The following RAPGEF2 variants were observed in gnomAD, a reference collection of about 807,000 sequenced individuals.
The protein encoded by RAPGEF2 is Rap guanine nucleotide exchange factor 2.
RAPGEF2 carries 54 observed loss-of-function variants against 186.7 expected under a neutral mutation model. That is an observed-to-expected ratio of 0.29 (90% CI 0.23 to 0.36). The LOEUF is 0.36. Among genes scored for constraint, RAPGEF2 ranks in the 10% least tolerant of loss-of-function variants. RAPGEF2 has a pLI of 1.00. For synonymous variants in RAPGEF2, 712 were observed against 705.9 expected, an observed-to-expected ratio of 1.01 and a Z score of -0.14; for missense variants, 1,532 against 2,045.0, an observed-to-expected ratio of 0.75 and a Z score of 4.84.
rs144422870 is a variant in RAPGEF2, at chr4:159,115,135, C to T, written c.69+10904C>T. Among the ~76,000 whole-genome samples the T allele has an allele frequency of 3.3e-5, 5 of 152,106 alleles. No individual in the cohort carries two copies. The East Asian group carries it at 7.7e-4, about 23-fold the overall frequency. ...CCCACGGATTAGCCAACTATCTTTC[C>T]GTTTTTGATTTTTTGGTAGTGAGTA... On this transcript the variant is annotated intron_variant, in intron 1 of 29. Transcript: ENST00000691494.
intron 7 of RAPGEF2, among the ~76,000 whole-genome samples, chr4:159,251,265 C>G (rs1007737286): frequency 1.3e-5 from 2 of 152,242 alleles, no homozygotes; most frequent in African/African-American, 4.8e-5. Context: ...GGGCGCCGTC[C>G]CTTGCTCTGC....
At chr4:159,309,711 G>A (rs1272242414) in intron 8 of RAPGEF2, among the ~76,000 whole-genome samples, 1 of 152,196 alleles carries the variant, frequency 6.6e-6, no homozygotes, top group Non-Finnish European at 1.5e-5. Flanking sequence ...ATAAGGTCCT[G>A]GTTAAATGGT....
At chr4:159,131,519 A>ATTTTT (rs35670450) in intron 1 of RAPGEF2, among the ~76,000 whole-genome samples, 1 of 37,184 alleles carries the variant, frequency 2.7e-5, no homozygotes, top group Non-Finnish European at 5.0e-5. Context: ...ATTAATTGCT[A>ATTTTT]TTTTTTTTTT....
chr4:159,230,268 A>C (rs1316208978), intron 4 of RAPGEF2, among the ~76,000 whole-genome samples: 3 of 152,194 alleles, frequency 2.0e-5, no homozygotes, highest in Admixed American at 2.0e-4. Context: ...ACAGGTTTTT[A>C]AAATATTCAG....
intron 7 of RAPGEF2, among the ~76,000 whole-genome samples, chr4:159,272,310 G>A (rs2110823410): frequency 6.6e-6 from 1 of 152,184 alleles, no homozygotes; most frequent in South Asian, 2.1e-4. Context: ...GGTCACTTAA[G>A]GCCCTCTATA....
intron 1 of RAPGEF2, among the ~76,000 whole-genome samples, chr4:159,104,536 G>GAGAGAGAC (rs1560964942): frequency 2.1e-4 from 22 of 102,870 alleles, no homozygotes; most frequent in African/African-American, 5.0e-5. Context: ...GGGAGAGACA[G>GAGAGAGAC]AGAGAGAGAG....
chr4:159,293,714 T>C (rs951556184), intron 7 of RAPGEF2, among the ~76,000 whole-genome samples: 3 of 152,248 alleles, frequency 2.0e-5, no homozygotes, highest in Admixed American at 2.0e-4. Context: ...AGTCTCCTTT[T>C]CATAAATCTG....
intron 7 of RAPGEF2, among the ~76,000 whole-genome samples, chr4:159,282,144 T>C (rs1759802162): frequency 6.6e-6 from 1 of 152,226 alleles, no homozygotes; most frequent in African/African-American, 2.4e-5. Context: ...CTCCTGCTTT[T>C]TCAGCTAGGA....
At chr4:159,181,726 G>A (rs1284574452) in intron 1 of RAPGEF2, among the ~76,000 whole-genome samples, 3 of 151,910 alleles carry the variant, frequency 2.0e-5, no homozygotes, top group East Asian at 3.9e-4. Flanking sequence ...TAGTAGAGAC[G>A]GGGTTTCACC....
intron 9 of RAPGEF2, among the ~76,000 whole-genome samples, chr4:159,316,266 GA>G (rs1764592756): frequency 6.6e-6 from 1 of 151,950 alleles, no homozygotes; most frequent in Admixed American, 6.6e-5. Context: ...TATAATATTG[GA>G]ATAAAGAGTA....
intron 1 of RAPGEF2, among the ~76,000 whole-genome samples, chr4:159,175,525 T>C (rs1343062037): frequency 1.3e-5 from 2 of 152,198 alleles, no homozygotes; most frequent in African/African-American, 2.4e-5. Flanking sequence ...TAAACAGTTT[T>C]AATAGGAGTG....
intron 7 of RAPGEF2, among the ~76,000 whole-genome samples, chr4:159,283,461 T>C (rs1228663989): frequency 2.6e-5 from 4 of 152,224 alleles, no homozygotes; most frequent in East Asian, 1.9e-4. Context: ...GTTTTCAGTT[T>C]AGTTATTTGA....
intron 3 of RAPGEF2, among the ~76,000 whole-genome samples, chr4:159,207,751 A>G (rs1404802553): frequency 6.6e-6 from 1 of 152,196 alleles, no homozygotes; most frequent in Non-Finnish European, 1.5e-5. Context: ...AGATTTTAAA[A>G]AGTTTACAGA....
At chr4:159,252,470 A>G (rs1755577024) in intron 7 of RAPGEF2, among the ~76,000 whole-genome samples, 1 of 152,250 alleles carries the variant, frequency 6.6e-6, no homozygotes, top group Admixed American at 6.5e-5. Context: ...AAATAAGCAT[A>G]TCCCTAACCA....
At chr4:159,317,483 A>T (rs1373246649) in intron 9 of RAPGEF2, among the ~76,000 whole-genome samples, 1 of 152,180 alleles carries the variant, frequency 6.6e-6, no homozygotes, top group Non-Finnish European at 1.5e-5. Context: ...GGCTGGGCTG[A>T]TGGAAGCAGG....
intron 7 of RAPGEF2, among the ~76,000 whole-genome samples, chr4:159,250,207 T>C (rs1755142274): frequency 6.6e-6 from 1 of 152,040 alleles, no homozygotes; most frequent in South Asian, 2.1e-4. Flanking sequence ...AGACAACATA[T>C]ATGGTGCAGT....
intron 7 of RAPGEF2, among the ~76,000 whole-genome samples, chr4:159,244,687 C>T (rs1441445066): frequency 1.3e-5 from 2 of 151,876 alleles, no homozygotes; most frequent in South Asian, 2.1e-4. Context: ...TTGGGGAAAT[C>T]TATCATTGAT....
At chr4:159,345,076 G>C in intron 23 of RAPGEF2, 30 bp from the exon 24 acceptor site, 1 of 1,557,892 alleles carries the variant, frequency 6.4e-7, no homozygotes, top group Non-Finnish European at 8.9e-7. Context: ...ATGCTAGAGT[G>C]AGCTGCATAT....
rs1275063671 is a variant in RAPGEF2, at chr4:159,339,206, A to T, written c.2386A>T (p.Ile796Phe). 2 of 1,614,202 alleles carry T rather than the reference A, an allele frequency of 1.2e-6. No homozygotes were observed. The highest frequency in any genetic ancestry group is 3.3e-5 in the Admixed American group (2 of 60,024). Residue 796 changes from isoleucine to phenylalanine, a missense_variant, in exon 19 of 30, where the codon ATT becomes TTT. Coordinates refer to ENST00000691494, the MANE Select transcript of RAPGEF2 (RefSeq NM_001394067.2). ...GGACACTACAGCAAAGGAAGTGGTC[A>T]TTCAGGCTATCAGGGAGTTTGCTGT... Reference protein sequence around the residue: ...SKDTTAKEVVIQAIREFAVTA... With the variant: ...SKDTTAKEVVFQAIREFAVTA...
Sources: allele counts gnomAD v4.1 joint callset (sites outside exome capture counted in the v4.1 genomes callset), GRCh38; gene constraint gnomAD v4.1.1; transcripts MANE v1.5; gene names NCBI Gene and HGNC (gene_info 2026-07-23, HGNC 2026-07-21).